TATDN3: variants seen among roughly 807,000 people sequenced by gnomAD.
The protein encoded by TATDN3 is deoxyribonuclease TATDN3.
TATDN3 carries 29 observed loss-of-function variants against 40.1 expected under a neutral mutation model. That is an observed-to-expected ratio of 0.72 (90% confidence interval 0.54 to 0.99). The LOEUF is 0.99. Among genes scored for constraint, TATDN3 ranks in the 50% least tolerant of loss-of-function variants. TATDN3 has a pLI of 0.00. For synonymous variants in TATDN3, 105 were observed against 117.0 expected (o/e 0.90, Z 0.66); for missense variants, 309 against 321.9 (o/e 0.96, Z 0.31).
At chr1:212,800,793 A>G (rs577306645) in intron 4 of TATDN3, among the ~76,000 whole-genome samples, 86 of 152,088 alleles carry the variant, frequency 5.7e-4, no homozygotes, top group African/African-American at 2.0e-3. Flanking sequence ...TCTGTGGCAC[A>G]TTACTTACCT....
At chr1:212,808,782 A>G (rs576229341) in intron 8 of TATDN3, among the ~76,000 whole-genome samples, 28 of 152,334 alleles carry the variant, frequency 1.8e-4, no homozygotes, top group African/African-American at 6.5e-4. Flanking sequence ...TCATACCACT[A>G]AGTTTGGAGT....
In TATDN3 at chr1:212,802,347, T is replaced by G. The variant is rs116507939; in HGVS notation, c.259-354T>G. Reference sequence around the variant, plus strand: ...CAACAATGCAATCGCAAAGCTCACATGCAGAGATGACTCCCTGGTGGTTTG... The same window carrying G: ...CAACAATGCAATCGCAAAGCTCACAGGCAGAGATGACTCCCTGGTGGTTTG... On this transcript the variant is annotated intron_variant, in intron 4 of 9. Transcript: ENST00000366974. 3.1e-3 allele frequency among the ~76,000 whole-genome samples: 466 copies of G among 152,330 alleles called. 2 individuals are homozygous for G. Among genetic ancestry groups the G allele is most frequent in the African/African-American group, 0.01 (429 of 41,570 alleles).
At chr1:212,805,507 C>G (rs541726679) in intron 7 of TATDN3, among the ~76,000 whole-genome samples, 1 of 152,174 alleles carries the variant, frequency 6.6e-6, no homozygotes, top group Admixed American at 6.5e-5. Context: ...CCACACGCCT[C>G]GGCCTCCCAA....
Position 212,815,036 on chromosome 1 carries a change from T to C in TATDN3, c.705T>C (p.Ile235=). Reference sequence around the variant, plus strand: ...AGGTACGGAATGAGCCCTGGAACATTTCTATTTCAGCAGAATATATTGCCC... The same window carrying C: ...AGGTACGGAATGAGCCCTGGAACATCTCTATTTCAGCAGAATATATTGCCC... ...EKQVRNEPWN[I]SISAEYIAQV... The change falls in exon 10 of 10, where the codon ATT becomes ATC. Residue 235 remains isoleucine (I), a synonymous_variant. Transcript: ENST00000366974. 1.2e-6 allele frequency: 2 copies of C among 1,613,830 alleles called. No individual in the cohort carries two copies. The highest frequency in any genetic ancestry group is 1.7e-6 in the Non-Finnish European group (2 of 1,179,956).
At chr1:212,814,729 T>G (rs187187364) in intron 9 of TATDN3, among the ~76,000 whole-genome samples, 2 of 152,296 alleles carry the variant, frequency 1.3e-5, no homozygotes, top group African/African-American at 4.8e-5. Context: ...AATCCATTAG[T>G]CAGGCAGGTT....
intron 4 of TATDN3, chr1:212,797,440 A>G: frequency 2.3e-6 from 1 of 429,130 alleles, no homozygotes. Flanking sequence ...TAATGCATTT[A>G]TAGAAAATGA....
intron 2 of TATDN3, 36 bp downstream of exon 2, chr1:212,795,163 T>A (rs1176023472): frequency 7.7e-6 from 12 of 1,560,466 alleles, no homozygotes; most frequent in Non-Finnish European, 9.7e-6. Context: ...TTTGGTTTTT[T>A]ATTTTAACTA....
chr1:212,809,151 T>C (rs941663557), intron 8 of TATDN3, among the ~76,000 whole-genome samples: 3 of 152,194 alleles, frequency 2.0e-5, no homozygotes, highest in Non-Finnish European at 4.4e-5. Flanking sequence ...TCCATTCATG[T>C]GAAATGTCCA....
At chr1:212,801,757 C>A (rs1190573681) in intron 4 of TATDN3, among the ~76,000 whole-genome samples, 2 of 152,190 alleles carry the variant, frequency 1.3e-5, no homozygotes, top group Non-Finnish European at 2.9e-5. Context: ...ATATACCCAT[C>A]ATTTTTCATG....
chr1:212,808,086 G>A (rs1017505852), intron 8 of TATDN3, among the ~76,000 whole-genome samples: 1 of 152,152 alleles, frequency 6.6e-6, no homozygotes, highest in Non-Finnish European at 1.5e-5. Context: ...GCTGAAGCGG[G>A]TAGATCACCT....
At chr1:212,793,427 T>A (rs1314033763) in intron 1 of TATDN3, among the ~76,000 whole-genome samples, 1 of 152,146 alleles carries the variant, frequency 6.6e-6, no homozygotes, top group Non-Finnish European at 1.5e-5. Context: ...TTGTCCAGGC[T>A]GGTCTTGAAC....
chr1:212,797,200 A>G lies in TATDN3; in HGVS notation c.258+4A>G, dbSNP rs1190244213. 6.2e-7 allele frequency: 1 copy of G among 1,610,274 alleles called. No individual in the cohort carries two copies. Among genetic ancestry groups the G allele is most frequent in the South Asian group, 1.1e-5 (1 of 90,948 alleles). On this transcript the variant is annotated splice_donor_region_variant and intron_variant, in intron 4 of 9. Transcript: ENST00000366974. ...CCAAAGAAGTGTCACACTAAAGGTA[A>G]CAGTCATACAAAACAGGAACCATTA... is the stretch of plus-strand genomic sequence containing the variant.
At chr1:212,804,039 A>G (rs1040396983) in intron 5 of TATDN3, among the ~76,000 whole-genome samples, 25 of 151,892 alleles carry the variant, frequency 1.6e-4, no homozygotes, top group African/African-American at 4.8e-4. Flanking sequence ...CCGTCTCAAC[A>G]AAACAAACAA....
chr1:212,809,261 T>C (rs905295619), intron 8 of TATDN3, among the ~76,000 whole-genome samples: 2 of 152,218 alleles, frequency 1.3e-5, no homozygotes, highest in African/African-American at 2.4e-5. Context: ...GGATTTCTTT[T>C]TGGAGTGATG....
chr1:212,799,664 A>G (rs757066200), intron 4 of TATDN3, among the ~76,000 whole-genome samples: 1 of 151,604 alleles, frequency 6.6e-6, no homozygotes, highest in Non-Finnish European at 1.5e-5. Flanking sequence ...CAGCCTCCTG[A>G]GTAGCTGGGA....
intron 2 of TATDN3, among the ~76,000 whole-genome samples, chr1:212,795,688 T>G (rs1453352576): frequency 6.6e-6 from 1 of 152,214 alleles, no homozygotes; most frequent in South Asian, 2.1e-4. Context: ...GCTGGGATTA[T>G]AGGCATGCGG....
intron 7 of TATDN3, among the ~76,000 whole-genome samples, chr1:212,807,358 T>C (rs1662605044): frequency 6.6e-6 from 1 of 151,994 alleles, no homozygotes; most frequent in African/African-American, 2.4e-5. Flanking sequence ...ACTCAGGTGA[T>C]CCTCCCACCT....
Position 212,815,157 on chromosome 1 carries a change from C to T in TATDN3, c.*1C>T, listed in dbSNP as rs1482347727. On this transcript the variant is annotated 3_prime_UTR_variant, in exon 10 of 10. Transcript: ENST00000366974. ...GCTCCGACACTTGCTCCAGAAATAG[C>T]TTCAAAACCATCCATTACAAAATCG... 4.4e-6 allele frequency: 7 copies of T among 1,606,562 alleles called. No homozygotes were observed. Among genetic ancestry groups the T allele is most frequent in the African/African-American group, 1.3e-5 (1 of 74,520 alleles).
At chr1:212,809,577 G>A (rs1012287877) in intron 8 of TATDN3, among the ~76,000 whole-genome samples, 1 of 152,022 alleles carries the variant, frequency 6.6e-6, no homozygotes, top group Non-Finnish European at 1.5e-5. Flanking sequence ...CCACCTACTC[G>A]GGAGACTGAG....
Sources: gnomAD v4.1 joint callset for allele counts (sites outside exome capture counted in the v4.1 genomes callset) on GRCh38, gnomAD v4.1.1 for gene constraint, MANE v1.5 for transcripts, NCBI Gene and HGNC (gene_info 2026-07-23, HGNC 2026-07-21) for gene names.